The following NR2E3 variants were observed in gnomAD, a reference collection of about 807,000 sequenced individuals.
NR2E3 encodes the protein nuclear receptor subfamily 2 group E member 3, also known as photoreceptor-specific nuclear receptor.
Under a neutral mutation model 37.6 loss-of-function variants are expected in NR2E3, and 38 were observed. The observed-to-expected ratio is 1.01, with a 90% CI of 0.78 to 1.33. The LOEUF (loss-of-function observed/expected upper bound fraction) is 1.33, where lower values mean the gene tolerates loss of function less well. Among genes scored for constraint, NR2E3 ranks in the 40% most tolerant of loss-of-function variants. The pLI, the probability that NR2E3 is intolerant of heterozygous loss-of-function variation, is 0.00. For missense variants in NR2E3, 562 were observed against 558.7 expected, an observed-to-expected ratio of 1.01 and a Z score of -0.06; for synonymous variants, 235 against 225.1, an observed-to-expected ratio of 1.04 and a Z score of -0.39.
intron 7 of NR2E3, among the ~76,000 whole-genome samples, chr15:71,817,028 T>C (rs972718782): frequency 6.6e-5 from 10 of 152,022 alleles, no homozygotes; most frequent in African/African-American, 2.4e-4. Context: ...CTAAACTAAA[T>C]AGAGGGTGGC....
chr15:71,814,785 C>A (rs1442742860), intron 7 of NR2E3: 4 of 985,422 alleles, frequency 4.1e-6, no homozygotes, highest in Non-Finnish European at 4.8e-6. Flanking sequence ...AAGGGGATGG[C>A]AGCTACTGCC....
chr15:71,811,620 T>G lies in NR2E3; in HGVS notation c.245+11T>G, dbSNP rs1567159767. ...GAGGCTCATCTACAGGTGAGTGCGG[T>G]GGGCCCTGCTGGGCGTCTGCCCCTG... On this transcript the variant is annotated intron_variant, in intron 2 of 7. Transcript: ENST00000617575. The surrounding 1 kb of genome is among the most constrained non-coding windows in gnomAD (Gnocchi z 5.6). 1.2e-6 allele frequency: 2 copies of G among 1,600,804 alleles called. No homozygotes were observed. The highest frequency in any genetic ancestry group is 2.3e-5 in the South Asian group (2 of 88,344).
chr15:71,812,515 C>A lies in NR2E3; in HGVS notation c.747+4C>A. 1 of 1,600,824 alleles carries A rather than the reference C, an allele frequency of 6.2e-7. No individual in the cohort carries two copies. The highest frequency in any genetic ancestry group is 8.5e-7 in the Non-Finnish European group (1 of 1,171,998). ...CAGCCTGCCCTTCCGGGATCAGGTA[C>A]CTACCGGCCTGCCTGCTGGGGAGCT... On this transcript the variant is annotated splice_donor_region_variant and intron_variant, in intron 5 of 7. Transcript: ENST00000617575.
At chr15:71,812,613 T>C in intron 5 of NR2E3, 102 bp downstream of exon 5, 1 of 1,005,980 alleles carries the variant, frequency 9.9e-7, no homozygotes, top group Non-Finnish European at 1.4e-6. Flanking sequence ...CCAGTATGAA[T>C]GCACACAGCT....
Position 71,811,675 on chromosome 15 carries a change from A to G in NR2E3, c.245+66A>G, listed in dbSNP as rs1595956054. On this transcript the variant is annotated intron_variant, in intron 2 of 7. Transcript: ENST00000617575. This position sits in a 1 kb window ranked among gnomAD's most constrained non-coding sequence, Gnocchi z 5.6. ...GTTCTGGAGGGGTGAGGGGGTGCTC[A>G]GGGGAAGAGGGGCTTGGGCAAAAAT... The G allele has an allele frequency of 6.4e-7, 1 of 1,564,716 alleles. No homozygotes were observed. Among genetic ancestry groups the G allele is most frequent in the Non-Finnish European group, 8.7e-7 (1 of 1,153,448 alleles).
intron 7 of NR2E3, among the ~76,000 whole-genome samples, chr15:71,816,257 C>CTTTTTT (rs59789846): frequency 4.9e-5 from 6 of 121,988 alleles, no homozygotes; most frequent in South Asian, 2.8e-4. Context: ...TTAGCAAATA[C>CTTTTTT]TTTTTTTTTT....
intron 1 of NR2E3, 50 bp downstream of exon 1, chr15:71,810,911 G>A: frequency 6.7e-7 from 1 of 1,492,948 alleles, no homozygotes. Flanking sequence ...TGGGGAGCAG[G>A]GTAAGGGCCA....
chr15:71,817,101 C>T (rs67064824), intron 7 of NR2E3, among the ~76,000 whole-genome samples: 1,506 of 80,742 alleles, frequency 0.019, 81 homozygotes, highest in African/African-American at 0.037. Context: ...TTTCTTTTTT[C>T]TTTTTTTTTT....
chr15:71,817,098 TTTC>T lies in NR2E3; in HGVS notation c.1101-451_1101-449del, dbSNP rs1335527014. 2.0e-3 allele frequency among the ~76,000 whole-genome samples: 273 copies of T among 136,162 alleles called. 4 individuals carry two copies. Among genetic ancestry groups the T allele is most frequent in the African/African-American group, 6.8e-3 (227 of 33,604 alleles). The allele number at this position is 136,162 out of a possible 152,430, so 89.3% of individuals were successfully genotyped here. On this transcript the variant is annotated intron_variant, in intron 7 of 7. Transcript: ENST00000617575. Reference sequence around the variant, plus strand: ...CCTCTGGTTAATGCGGCTTTTCTTTTTTCTTTTTTTTTTTTTTTGAGACGGAGT... The same window carrying T: ...CCTCTGGTTAATGCGGCTTTTCTTTTTTTTTTTTTTTTTTTGAGACGGAGT...
chr15:71,812,392 T>C lies in NR2E3; in HGVS notation c.628T>C (p.Ser210Pro). The C allele has an allele frequency of 1.9e-6, 3 of 1,613,742 alleles. No homozygotes were observed. The highest frequency in any genetic ancestry group is 2.5e-6 in the Non-Finnish European group (3 of 1,179,822). Residue 210 changes from serine to proline, a missense_variant, in exon 5 of 8, where the codon TCC (serine) becomes CCC (proline). Ser to Pro is a moderately conservative substitution (Grantham distance 74). Coordinates refer to ENST00000617575, the MANE Select transcript of NR2E3 (RefSeq NM_014249.4). ...CCCTGAGTTCCCCTCCTCTCCATAC[T>C]CCTCTTCCTCCCCCTGCGGCCTGGA... ...NDPEFPSSPY[S>P]SSSPCGLDSI...
chr15:71,812,563 C>T, intron 5 of NR2E3, 52 bp downstream of exon 5: 4 of 1,503,708 alleles, frequency 2.7e-6, no homozygotes, highest in Non-Finnish European at 3.6e-6. Context: ...GGTCAGGCGG[C>T]CCACTCGAGT....
chr15:71,815,919 C>T (rs1286626056), intron 7 of NR2E3, among the ~76,000 whole-genome samples: 1 of 152,202 alleles, frequency 6.6e-6, no homozygotes, highest in Admixed American at 6.5e-5. Flanking sequence ...ATAGTTATTT[C>T]TTCTTCCTCC....
chr15:71,814,308 A>T lies in NR2E3; in HGVS notation c.1100+191A>T, dbSNP rs1396915124. ...GTGGGGACCAAGATGTACATAAGAC[A>T]AAGCTACTGCCTTCTAGAGACAACC... On this transcript the variant is annotated intron_variant, in intron 7 of 7. Coordinates refer to ENST00000617575, the MANE Select transcript of NR2E3 (RefSeq NM_014249.4). The T allele has an allele frequency of 2.9e-6, 4 of 1,388,406 alleles. No homozygotes were observed. In the East Asian group the frequency reaches 7.8e-5, roughly 27 times the overall value. 86.0% of individuals were successfully genotyped at this position (1,388,406 alleles called of 1,614,324 possible). A position where few individuals can be genotyped will look rare whatever the true frequency, so the allele number is the denominator to read the frequency against.
rs2054192019 is a variant in NR2E3, at chr15:71,812,393, C to T, written c.629C>T (p.Ser210Phe). The change falls in exon 5 of 8, where the codon TCC becomes TTC. Residue 210 changes from serine (S) to phenylalanine (F), a missense_variant. Transcript: ENST00000617575. ...CCTGAGTTCCCCTCCTCTCCATACT[C>T]CTCTTCCTCCCCCTGCGGCCTGGAC... ...NDPEFPSSPY[S>F]SSSPCGLDSI... 1 of 1,613,874 alleles carries T rather than the reference C, an allele frequency of 6.2e-7. No homozygotes were observed. Among genetic ancestry groups the T allele is most frequent in the Non-Finnish European group, 8.5e-7 (1 of 1,179,876 alleles).
chr15:71,810,565 C>T lies in NR2E3; in HGVS notation c.-179C>T. On this transcript the variant is annotated 5_prime_UTR_variant, in exon 1 of 8. Transcript: ENST00000617575. ...GCGGCTGCCCCGGGAGAAATCTCCT[C>T]AAGCCAGAGCCTGTGCTGTGAGGGG... 8 of 878,808 alleles carry T rather than the reference C, an allele frequency of 9.1e-6. No individual in the cohort carries two copies. Among genetic ancestry groups the T allele is most frequent in the East Asian group, 2.8e-5 (1 of 35,964 alleles). 54.4% of individuals were successfully genotyped at this position (878,808 alleles called of 1,614,324 possible).
In NR2E3 at chr15:71,811,480, C is replaced by G. The variant is rs769885305; in HGVS notation, c.119-3C>G. ...TGGCCCAGCCCTGCCCCCTGCCCCT[C>G]AGGCGTGAGCCCCTCGCTCCAGTGC... On this transcript the variant is annotated splice_polypyrimidine_tract_variant and splice_region_variant and intron_variant, in intron 1 of 7. Transcript: ENST00000617575. The surrounding 1 kb of genome is among the most constrained non-coding windows in gnomAD (Gnocchi z 5.6). The G allele has an allele frequency of 1.3e-6, 2 of 1,555,322 alleles. No homozygotes were observed. The highest frequency in any genetic ancestry group is 8.7e-7 in the Non-Finnish European group (1 of 1,149,998).
In NR2E3 at chr15:71,811,648, G is replaced by A. The variant is rs1329191955; in HGVS notation, c.245+39G>A. ...GCCCTGCTGGGCGTCTGCCCCTGAGGGGTTCTGGAGGGGTGAGGGGGTGCT... is the reference window on the plus strand; with the variant it reads ...GCCCTGCTGGGCGTCTGCCCCTGAGAGGTTCTGGAGGGGTGAGGGGGTGCT... On this transcript the variant is annotated intron_variant, in intron 2 of 7. Coordinates refer to ENST00000617575, the MANE Select transcript of NR2E3 (RefSeq NM_014249.4). The surrounding 1 kb of genome is among the most constrained non-coding windows in gnomAD (Gnocchi z 5.6). 1.3e-6 allele frequency: 2 copies of A among 1,590,614 alleles called. No homozygotes were observed. Among genetic ancestry groups the A allele is most frequent in the Non-Finnish European group, 1.7e-6 (2 of 1,168,486 alleles).
In NR2E3 at chr15:71,813,557, A is replaced by G. The variant is rs2140291221; in HGVS notation, c.916A>G (p.Thr306Ala). 1 of 1,613,836 alleles carries G rather than the reference A, an allele frequency of 6.2e-7. No homozygotes were observed. Residue 306 changes from threonine (T) to alanine (A), a missense_variant, in exon 6 of 8, where the codon ACT becomes GCT. Physicochemically the swap from Thr to Ala is moderately conservative, Grantham distance 58 (BLOSUM62 0). Transcript: ENST00000617575. This position sits in a 1 kb window ranked among gnomAD's most constrained non-coding sequence, Gnocchi z 4.7. ...ASMETRVLQE[T>A]ISRFRALAVD... ...CATGGAGACGCGTGTCCTGCAGGAA[A>G]CTATCTCTCGGTTCCGGGCATTGGC...
Position 71,810,723 on chromosome 15 carries a change from G to A in NR2E3, c.-21G>A. The A allele has an allele frequency of 6.4e-7, 1 of 1,555,880 alleles. No individual in the cohort carries two copies. The highest frequency in any genetic ancestry group is 8.7e-7 in the Non-Finnish European group (1 of 1,149,942). On this transcript the variant is annotated 5_prime_UTR_variant, in exon 1 of 8. Coordinates refer to ENST00000617575, the MANE Select transcript of NR2E3 (RefSeq NM_014249.4). ...AGCAACCCAGGCCTCCCGCAGGCAGGCAGAGGCTGCCCTGTAACCCATGGA... is the reference window on the plus strand; with the variant it reads ...AGCAACCCAGGCCTCCCGCAGGCAGACAGAGGCTGCCCTGTAACCCATGGA...
Sources: gnomAD v4.1 joint callset for allele counts (sites outside exome capture counted in the v4.1 genomes callset) on GRCh38, gnomAD v4.1.1 for gene constraint, Gnocchi (gnomAD v3.1) non-coding constraint, MANE v1.5 for transcripts, NCBI Gene and HGNC (gene_info 2026-07-23, HGNC 2026-07-21) for gene names.